The following LRRC8D variants were observed in gnomAD, a reference collection of about 807,000 sequenced individuals.
The protein encoded by LRRC8D is volume-regulated anion channel subunit LRRC8D.
LRRC8D carries 20 observed loss-of-function variants against 55.8 expected under a neutral mutation model. The observed-to-expected ratio is 0.36, with a 90% confidence interval of 0.25 to 0.52. The LOEUF is 0.52. Ranked by LOEUF, LRRC8D falls within the 20% of genes least tolerant of loss-of-function variation. The pLI is 0.93. For synonymous variants in LRRC8D, 352 were observed against 377.0 expected, an observed-to-expected ratio of 0.93 and a Z score of 0.77; for missense variants, 651 against 1,030.8, an observed-to-expected ratio of 0.63 and a Z score of 5.05.
At chr1:89,927,861 A>G (rs1232166529) in intron 2 of LRRC8D, among the ~76,000 whole-genome samples, 1 of 152,196 alleles carries the variant, frequency 6.6e-6, no homozygotes, top group Admixed American at 6.5e-5. Context: ...GTTGTATCAG[A>G]TGTAAAGCCC....
rs72716349 is a variant in LRRC8D, at chr1:89,911,610, C to G, written c.-2-21457C>G. Among the ~76,000 whole-genome samples the G allele has an allele frequency of 3.5e-4, 53 of 152,220 alleles. No homozygotes were observed. The highest frequency in any genetic ancestry group is 1.7e-3 in the Admixed American group (26 of 15,304). ...ACCCTCCCATCATACCTGCCTCCCC[C>G]GCTTGCTGTTGTACCAGCCTTTTGT... On this transcript the variant is annotated intron_variant, in intron 2 of 2. Transcript: ENST00000337338. This position sits in a 1 kb window ranked among gnomAD's most constrained non-coding sequence, Gnocchi z 4.0.
rs146186947 is a variant in LRRC8D, at chr1:89,845,128, C to G, written c.-3+1346C>G. On this transcript the variant is annotated intron_variant, in intron 2 of 2. Coordinates refer to ENST00000337338, the MANE Select transcript of LRRC8D (RefSeq NM_001134479.2). ...CAGGGTTAGGTGTAGAATTTACATT[C>G]ATGACGTGGGATGCTGACTATAGCA... Among the ~76,000 whole-genome samples the G allele has an allele frequency of 7.4e-3, 1,123 of 152,284 alleles. 6 individuals are homozygous for G. The highest frequency in any genetic ancestry group is 9.3e-3 in the Non-Finnish European group (635 of 68,018).
intron 2 of LRRC8D, among the ~76,000 whole-genome samples, chr1:89,867,169 A>G (rs192126250): frequency 1.3e-5 from 2 of 152,258 alleles, no homozygotes; most frequent in East Asian, 1.9e-4. Flanking sequence ...ATCATTCTCC[A>G]TCCTTTTCAG....
chr1:89,821,467 G>A (rs963364728), intron 1 of LRRC8D, among the ~76,000 whole-genome samples, 176 bp downstream of exon 1: 19 of 152,160 alleles, frequency 1.2e-4, no homozygotes, highest in Non-Finnish European at 2.4e-4. Context: ...GGCGGCGAGC[G>A]GAGTGGGCTC....
intron 1 of LRRC8D, among the ~76,000 whole-genome samples, chr1:89,825,429 T>G (rs1660739747): frequency 6.6e-6 from 1 of 152,246 alleles, no homozygotes; most frequent in African/African-American, 2.4e-5. Flanking sequence ...GTTCTGTTTA[T>G]GTATCTGGAA....
chr1:89,913,960 A>G (rs1234533967), intron 2 of LRRC8D, among the ~76,000 whole-genome samples: 2 of 152,222 alleles, frequency 1.3e-5, no homozygotes, highest in East Asian at 1.9e-4. Flanking sequence ...GGATACTGTC[A>G]TGTTGTACAT....
intron 1 of LRRC8D, among the ~76,000 whole-genome samples, chr1:89,825,144 A>G (rs1035804393): frequency 6.6e-6 from 1 of 152,186 alleles, no homozygotes; most frequent in East Asian, 1.9e-4. Context: ...ATCAGAGAGG[A>G]ATGGAGGATG....
chr1:89,902,610 C>T (rs1039372228), intron 2 of LRRC8D, among the ~76,000 whole-genome samples: 3 of 151,568 alleles, frequency 2.0e-5, no homozygotes, highest in Admixed American at 1.3e-4. Flanking sequence ...CATCTTGGCT[C>T]ACTGCAAGCT....
chr1:89,846,025 C>T (rs913410864), intron 2 of LRRC8D, among the ~76,000 whole-genome samples: 1 of 152,102 alleles, frequency 6.6e-6, no homozygotes, highest in South Asian at 2.1e-4. Flanking sequence ...ATGATCCACC[C>T]GCCTCGGCCT....
rs186146718 is a variant in LRRC8D at position 89,860,310 on chromosome 1, G to A, written c.-3+16528G>A. Among the ~76,000 whole-genome samples, 18 of 152,238 alleles carry A rather than the reference G, an allele frequency of 1.2e-4. 1 individual carries two copies. Among genetic ancestry groups the A allele is most frequent in the African/African-American group, 4.1e-4 (17 of 41,540 alleles). ...GCATTTTAAACTAAATCTTTTATGC[G>A]AAAAGTTAATTAAGGCAACTCCAAT... On this transcript the variant is annotated intron_variant, in intron 2 of 2. Coordinates refer to ENST00000337338, the MANE Select transcript of LRRC8D (RefSeq NM_001134479.2).
intron 2 of LRRC8D, among the ~76,000 whole-genome samples, chr1:89,853,581 C>T (rs1557451300): frequency 6.6e-6 from 1 of 152,154 alleles, no homozygotes; most frequent in Admixed American, 6.5e-5. Flanking sequence ...CAACAATCTC[C>T]TGTGAAATAA....
At chr1:89,845,885 G>A (rs896955313) in intron 2 of LRRC8D, among the ~76,000 whole-genome samples, 5 of 151,926 alleles carry the variant, frequency 3.3e-5, no homozygotes, top group South Asian at 2.1e-4. Flanking sequence ...GGGTTCAAGC[G>A]ACTCTTCTGC....
intron 2 of LRRC8D, among the ~76,000 whole-genome samples, chr1:89,899,169 C>T (rs1245550819): frequency 2.0e-5 from 3 of 152,146 alleles, no homozygotes; most frequent in Non-Finnish European, 1.5e-5. Context: ...TTGGTACCTC[C>T]GGGGGTGTGG....
Position 89,911,452 on chromosome 1 carries a change from G to A in LRRC8D, c.-2-21615G>A, listed in dbSNP as rs1332438549. Among the ~76,000 whole-genome samples the A allele has an allele frequency of 1.3e-5, 2 of 152,034 alleles. No homozygotes were observed. The highest frequency in any genetic ancestry group is 1.3e-4 in the Admixed American group (2 of 15,280). ...CATACTTGAGTTATAGCTCCTTGTC[G>A]AAATGTGTTTGTATAATTTGACTTT... On this transcript the variant is annotated intron_variant, in intron 2 of 2. Transcript: ENST00000337338. This position sits in a 1 kb window ranked among gnomAD's most constrained non-coding sequence, Gnocchi z 4.0.
intron 2 of LRRC8D, among the ~76,000 whole-genome samples, chr1:89,900,518 A>C (rs1231241103): frequency 2.0e-5 from 3 of 150,848 alleles, no homozygotes; most frequent in African/African-American, 7.5e-5. Flanking sequence ...CCATCATAAA[A>C]AAAAAAACTG....
Position 89,830,361 on chromosome 1 carries a change from A to G in LRRC8D, c.-148+9070A>G, listed in dbSNP as rs182039048. ...CAAACACACACACTCAGAGACAGAGAGAGATGCACTTGTTCTTTAACTTAG... is the reference window on the plus strand; with the variant it reads ...CAAACACACACACTCAGAGACAGAGGGAGATGCACTTGTTCTTTAACTTAG... On this transcript the variant is annotated intron_variant, in intron 1 of 2. Coordinates refer to ENST00000337338, the MANE Select transcript of LRRC8D (RefSeq NM_001134479.2). 3.3e-5 allele frequency among the ~76,000 whole-genome samples: 5 copies of G among 152,362 alleles called. No individual in the cohort carries two copies. In the East Asian group the frequency reaches 7.7e-4, roughly 23 times the overall value.
At chr1:89,834,027 C>A (rs991296786) in intron 1 of LRRC8D, among the ~76,000 whole-genome samples, 5 of 152,212 alleles carry the variant, frequency 3.3e-5, no homozygotes, top group Admixed American at 1.3e-4. Context: ...TGCTGTAGTT[C>A]AAAGCAAACA....
chr1:89,931,003 ATTT>A (rs56714673), intron 2 of LRRC8D, among the ~76,000 whole-genome samples: 6 of 120,920 alleles, frequency 5.0e-5, no homozygotes, highest in Admixed American at 1.7e-4. Context: ...TTCCTTGGTA[ATTT>A]TTTTTTTTTT....
At chr1:89,842,449 T>C (rs975912996) in intron 1 of LRRC8D, among the ~76,000 whole-genome samples, 2 of 152,216 alleles carry the variant, frequency 1.3e-5, no homozygotes, top group African/African-American at 4.8e-5. Context: ...AATGAGATGT[T>C]GTCTAGCACT....
Sources: allele counts gnomAD v4.1 joint callset (sites outside exome capture counted in the v4.1 genomes callset), GRCh38; gene constraint gnomAD v4.1.1; non-coding constraint Gnocchi (gnomAD v3.1); transcripts MANE v1.5; gene names NCBI Gene and HGNC (gene_info 2026-07-23, HGNC 2026-07-21).